MACROD1: variants seen among roughly 807,000 people sequenced by gnomAD.
MACROD1 encodes ADP-ribose glycohydrolase MACROD1.
In MACROD1, 31 loss-of-function variants were observed where a neutral mutation model predicts 41.4. The observed-to-expected ratio is 0.75, with a 90% CI of 0.56 to 1.01. The LOEUF is 1.01. Among genes scored for constraint, MACROD1 ranks in the 50% least tolerant of loss-of-function variants. The probability of loss-of-function intolerance (pLI) is 0.00; values close to 1 mark genes in which losing one functional copy is unlikely to be tolerated. For synonymous variants in MACROD1, 252 were observed against 203.4 expected (o/e 1.24, Z -2.03); for missense variants, 473 against 460.0 (o/e 1.03, Z -0.26).
At chr11:64,116,578 C>T (rs770255826) in intron 3 of MACROD1, 24 of 1,614,104 alleles carry the variant, frequency 1.5e-5, no homozygotes, top group Non-Finnish European at 2.0e-5. Flanking sequence ...GACCTCAAGA[C>T]CAAGGTCAAC....
intron 3 of MACROD1, among the ~76,000 whole-genome samples, chr11:64,080,251 G>T (rs1350773641): frequency 6.6e-6 from 1 of 152,200 alleles, no homozygotes; most frequent in Non-Finnish European, 1.5e-5. Flanking sequence ...GACCTCAAGT[G>T]ATCTGCCTGC....
intron 3 of MACROD1, among the ~76,000 whole-genome samples, chr11:64,047,078 C>T (rs911421374): frequency 1.3e-5 from 2 of 152,038 alleles, no homozygotes; most frequent in African/African-American, 2.4e-5. Flanking sequence ...TCTGAGCCTT[C>T]GACGTGCTGT....
intron 3 of MACROD1, among the ~76,000 whole-genome samples, chr11:64,068,347 A>T (rs1219573977): frequency 6.6e-6 from 1 of 152,194 alleles, no homozygotes; most frequent in Non-Finnish European, 1.5e-5. Flanking sequence ...GATGCCTACC[A>T]GGCCCTGGCA....
At chr11:64,157,255 G>C (rs935728730) in intron 1 of MACROD1, among the ~76,000 whole-genome samples, 1 of 152,098 alleles carries the variant, frequency 6.6e-6, no homozygotes, top group Non-Finnish European at 1.5e-5. Context: ...ACCACACCCA[G>C]CTAATTTTTT....
intron 1 of MACROD1, among the ~76,000 whole-genome samples, chr11:64,160,533 A>C (rs1271883182): frequency 2.0e-5 from 3 of 152,210 alleles, no homozygotes; most frequent in Non-Finnish European, 4.4e-5. Context: ...AGCCAGGCAC[A>C]GTGGCACACA....
chr11:64,150,657 G>A (rs1712860837), intron 3 of MACROD1, among the ~76,000 whole-genome samples: 1 of 152,158 alleles, frequency 6.6e-6, no homozygotes, highest in African/African-American at 2.4e-5. Flanking sequence ...ACCACTAGCT[G>A]TGTGGAGTAG....
At chr11:64,106,441 C>CA (rs1490460563) in intron 3 of MACROD1, among the ~76,000 whole-genome samples, 2 of 152,298 alleles carry the variant, frequency 1.3e-5, no homozygotes, top group East Asian at 3.9e-4. Flanking sequence ...GGCTCCATGC[C>CA]AGGCACAAGG....
chr11:64,121,003 G>A (rs543204068), intron 3 of MACROD1, among the ~76,000 whole-genome samples: 173 of 152,278 alleles, frequency 1.1e-3, no homozygotes, highest in African/African-American at 4.0e-3. Context: ...TGGCTAGGAA[G>A]GCATCTGGGG....
At chr11:64,001,860 G>A (rs1711240897) in intron 4 of MACROD1, 2 of 675,274 alleles carry the variant, frequency 3.0e-6, no homozygotes, top group Admixed American at 2.0e-5. Context: ...GCTGGGCAAC[G>A]TGAGTTCACA....
chr11:64,106,885 A>AT (rs1172357369), intron 3 of MACROD1, among the ~76,000 whole-genome samples: 2 of 150,948 alleles, frequency 1.3e-5, no homozygotes, highest in African/African-American at 4.9e-5. Context: ...TATTTATTTT[A>AT]TTTTATTTTT....
intron 3 of MACROD1, among the ~76,000 whole-genome samples, chr11:64,043,152 A>C (rs1476040728): frequency 1.3e-5 from 2 of 152,130 alleles, no homozygotes; most frequent in South Asian, 4.1e-4. Flanking sequence ...ATACGTGCTG[A>C]CATCCCAGGG....
intron 3 of MACROD1, among the ~76,000 whole-genome samples, chr11:64,026,368 C>T (rs920933761): frequency 6.6e-6 from 1 of 152,164 alleles, no homozygotes; most frequent in African/African-American, 2.4e-5. Flanking sequence ...AACTACCCCA[C>T]GCCCAGCCAC....
rs71045731 is a variant in MACROD1, at chr11:64,064,843, C to CTCATTCATTCAT, written c.518-49574_518-49563dup. 8.6e-5 allele frequency among the ~76,000 whole-genome samples: 13 copies of CTCATTCATTCAT among 150,448 alleles called. 1 individual carries two copies. Among genetic ancestry groups the CTCATTCATTCAT allele is most frequent in the South Asian group, 6.4e-4 (3 of 4,690 alleles). Reference sequence around the variant, plus strand: ...CAAGAGGCTAGAGTTTCACAAGGACCTCATTCATTCATTCATTCATTCATT... The same window carrying CTCATTCATTCAT: ...CAAGAGGCTAGAGTTTCACAAGGACCTCATTCATTCATTCATTCATTCATTCATTCATTCATT... On this transcript the variant is annotated intron_variant, in intron 3 of 10. Coordinates refer to ENST00000255681, the MANE Select transcript of MACROD1 (RefSeq NM_014067.4). The surrounding 1 kb of genome is among the most constrained non-coding windows in gnomAD (Gnocchi z 4.5).
intron 3 of MACROD1, among the ~76,000 whole-genome samples, chr11:64,069,422 A>T (rs555338516): frequency 1.3e-5 from 2 of 152,208 alleles, no homozygotes; most frequent in East Asian, 3.9e-4. Flanking sequence ...TGGCTCAGGG[A>T]CCCTGGGGGT....
intron 3 of MACROD1, among the ~76,000 whole-genome samples, chr11:64,035,726 T>TCCTCCTCCTC (rs1943363726): frequency 6.3e-5 from 2 of 31,520 alleles, no homozygotes; most frequent in African/African-American, 2.6e-4. Flanking sequence ...CTCCTCCCCC[T>TCCTCCTCCTC]CCCCTCCTCC....
intron 3 of MACROD1, among the ~76,000 whole-genome samples, chr11:64,017,755 G>A (rs1293824240): frequency 2.0e-5 from 3 of 152,096 alleles, no homozygotes; most frequent in Admixed American, 6.5e-5. Context: ...GGCAGCGGTC[G>A]GCAGCTGCCC....
intron 4 of MACROD1, among the ~76,000 whole-genome samples, chr11:64,013,797 T>C (rs1943046077): frequency 6.6e-6 from 1 of 152,116 alleles, no homozygotes. Context: ...AGAGCCTCCC[T>C]CTCCTCCACT....
chr11:64,004,076 G>A (rs751901565), intron 4 of MACROD1, among the ~76,000 whole-genome samples: 9 of 152,230 alleles, frequency 5.9e-5, no homozygotes, highest in Non-Finnish European at 8.8e-5. Context: ...CCCAAGCCCT[G>A]GCCTCTGAGC....
At chr11:64,151,621 T>C (rs1208969619) in intron 2 of MACROD1, among the ~76,000 whole-genome samples, 1 of 152,084 alleles carries the variant, frequency 6.6e-6, no homozygotes, top group Non-Finnish European at 1.5e-5. Flanking sequence ...TTCACAGAGG[T>C]AGAAACTGAG....
Sources: gnomAD v4.1 joint callset for allele counts (sites outside exome capture counted in the v4.1 genomes callset) on GRCh38, gnomAD v4.1.1 for gene constraint, Gnocchi (gnomAD v3.1) non-coding constraint, MANE v1.5 for transcripts, NCBI Gene and HGNC (gene_info 2026-07-23, HGNC 2026-07-21) for gene names.